The following CRTC3 variants were observed in gnomAD, a reference collection of about 807,000 sequenced individuals.
CRTC3 encodes the protein CREB regulated transcription coactivator 3.
In CRTC3, 26 loss-of-function variants were observed where a neutral mutation model predicts 74.5. The ratio of observed to expected loss-of-function variants is 0.35; its 90% confidence interval spans 0.26 to 0.48. The LOEUF (loss-of-function observed/expected upper bound fraction) is 0.48. CRTC3 is among the 20% of genes least tolerant of loss of function. The probability of loss-of-function intolerance (pLI) is 0.99; values close to 1 mark genes in which losing one functional copy is unlikely to be tolerated. For missense variants in CRTC3, 760 were observed against 787.3 expected, an observed-to-expected ratio of 0.97 and a Z score of 0.41; for synonymous variants, 377 against 325.8, an observed-to-expected ratio of 1.16 and a Z score of -1.69.
intron 2 of CRTC3, among the ~76,000 whole-genome samples, chr15:90,571,657 AT>A (rs1181521466): frequency 6.6e-6 from 1 of 152,212 alleles, no homozygotes. Context: ...AACTCAAATA[AT>A]ATGGAAGCAT....
chr15:90,593,582 G>A lies in CRTC3; in HGVS notation c.232-54G>A, dbSNP rs1967849043. 13 of 1,576,524 alleles carry A rather than the reference G, an allele frequency of 8.2e-6. No homozygotes were observed. In the East Asian group the frequency reaches 3.0e-4, roughly 36 times the overall value. ...CCTGTTGTTATCAGTTGTTCTTGAG[G>A]GTGAGTGTCAATTTCATGGTTGGAG... On this transcript the variant is annotated intron_variant, in intron 2 of 14. Coordinates refer to ENST00000268184, the MANE Select transcript of CRTC3 (RefSeq NM_022769.5).
At chr15:90,596,532 A>G (rs879771658) in intron 3 of CRTC3, 3 of 152,230 alleles carry the variant, frequency 2.0e-5, no homozygotes, top group Non-Finnish European at 4.4e-5. Context: ...ATCATGAGCC[A>G]TGTCTCTGTG....
chr15:90,578,518 C>T (rs966029880), intron 2 of CRTC3, among the ~76,000 whole-genome samples: 22 of 151,590 alleles, frequency 1.5e-4, no homozygotes, highest in Non-Finnish European at 2.9e-4. Flanking sequence ...CGCAACATTG[C>T]ACTTCAGGCT....
intron 14 of CRTC3, among the ~76,000 whole-genome samples, chr15:90,641,668 G>A (rs1303220826): frequency 6.7e-6 from 1 of 148,892 alleles, no homozygotes; most frequent in Non-Finnish European, 1.5e-5. Context: ...CTGTACTCCA[G>A]CCTGGGCAAC....
At chr15:90,602,954 C>CA (rs1272455361) in intron 4 of CRTC3, among the ~76,000 whole-genome samples, 1 of 151,766 alleles carries the variant, frequency 6.6e-6, no homozygotes, top group East Asian at 2.0e-4. Context: ...AGCCTGGTAA[C>CA]AGAGTGAGAC....
chr15:90,560,752 C>A (rs1966994006), intron 2 of CRTC3, among the ~76,000 whole-genome samples: 1 of 152,162 alleles, frequency 6.6e-6, no homozygotes, highest in East Asian at 1.9e-4. Flanking sequence ...TGAGTCTGAA[C>A]AATAAAAGTC....
intron 6 of CRTC3, among the ~76,000 whole-genome samples, chr15:90,608,253 C>T (rs898876023): frequency 1.3e-5 from 2 of 152,176 alleles, no homozygotes; most frequent in African/African-American, 4.8e-5. Context: ...GATCATCTTG[C>T]TCTCCCACTT....
At chr15:90,575,084 T>C (rs1196708990) in intron 2 of CRTC3, among the ~76,000 whole-genome samples, 2 of 152,212 alleles carry the variant, frequency 1.3e-5, no homozygotes, top group Non-Finnish European at 2.9e-5. Flanking sequence ...ATGCAGTGGC[T>C]CACTCCTGTA....
chr15:90,546,105 A>G (rs1038926776), intron 2 of CRTC3, among the ~76,000 whole-genome samples: 3 of 152,170 alleles, frequency 2.0e-5, no homozygotes, highest in African/African-American at 7.2e-5. Flanking sequence ...TTATCTATTA[A>G]TAAGAGTTCT....
At position 90,617,059 on chromosome 15, in the gene CRTC3, A is replaced by G. The variant is rs375516188; in HGVS notation, c.614-824A>G. ...CCCCCTGCCCTGGCCTCAATTGTCT[A>G]CATTTTACTTCCTACCATCCCCTTG... On this transcript the variant is annotated intron_variant, in intron 7 of 14. Transcript: ENST00000268184. Among the ~76,000 whole-genome samples the G allele has an allele frequency of 2.5e-4, 38 of 152,092 alleles. 1 individual carries two copies. In the East Asian group the frequency reaches 5.6e-3, roughly 22 times the overall value.
intron 2 of CRTC3, among the ~76,000 whole-genome samples, chr15:90,540,770 CA>C (rs905225726): frequency 1.4e-5 from 2 of 147,648 alleles, no homozygotes; most frequent in Non-Finnish European, 1.5e-5. Flanking sequence ...GAGACTGTCT[CA>C]AAAAAAAATA....
chr15:90,561,757 G>T (rs1967015133), intron 2 of CRTC3, among the ~76,000 whole-genome samples: 1 of 152,200 alleles, frequency 6.6e-6, no homozygotes. Context: ...TTTGGCTGTA[G>T]AACCAGCCAA....
At chr15:90,635,596 G>C (rs1969204372) in intron 11 of CRTC3, among the ~76,000 whole-genome samples, 1 of 152,132 alleles carries the variant, frequency 6.6e-6, no homozygotes, top group Non-Finnish European at 1.5e-5. Context: ...AGTGAGCCAA[G>C]GTCATGCCAC....
intron 6 of CRTC3, among the ~76,000 whole-genome samples, chr15:90,612,190 C>T (rs1181758959): frequency 2.6e-5 from 4 of 151,920 alleles, no homozygotes; most frequent in African/African-American, 9.7e-5. Flanking sequence ...GGGACATGAA[C>T]ATTCTGAAGA....
At chr15:90,549,059 C>A (rs1966849490) in intron 2 of CRTC3, among the ~76,000 whole-genome samples, 1 of 152,176 alleles carries the variant, frequency 6.6e-6, no homozygotes, top group Admixed American at 6.5e-5. Context: ...AAACTGGTTA[C>A]ATCTTTTTTC....
intron 2 of CRTC3, among the ~76,000 whole-genome samples, chr15:90,584,365 G>A (rs1262798888): frequency 6.6e-6 from 1 of 151,330 alleles, no homozygotes; most frequent in Middle Eastern, 3.2e-3. Flanking sequence ...AGCCTCCCCA[G>A]TAGCTGGGAT....
chr15:90,602,182 T>C (rs1968087227), intron 3 of CRTC3, 142 bp from the exon 4 acceptor site: 2 of 631,738 alleles, frequency 3.2e-6, no homozygotes, highest in African/African-American at 1.9e-5. Flanking sequence ...AGGAGGGAGA[T>C]AAGAGAAAGC....
chr15:90,621,010 C>T (rs117247622), intron 9 of CRTC3, among the ~76,000 whole-genome samples: 1,705 of 152,218 alleles, frequency 0.011, 14 homozygotes, highest in East Asian at 0.045. Flanking sequence ...ATGTTTGCTT[C>T]AGAAAGTGGG....
chr15:90,604,256 G>A lies in CRTC3; in HGVS notation c.414-129G>A, dbSNP rs1968158506. On this transcript the variant is annotated intron_variant, in intron 4 of 14. Coordinates refer to ENST00000268184, the MANE Select transcript of CRTC3 (RefSeq NM_022769.5). Reference sequence around the variant, plus strand: ...GATGAGCAAAATGAGCGAGGTGTGGGGTATTTTTAAGTAACTCTTGCAGAG... The same window carrying A: ...GATGAGCAAAATGAGCGAGGTGTGGAGTATTTTTAAGTAACTCTTGCAGAG... 8.6e-6 allele frequency: 6 copies of A among 700,458 alleles called. No individual in the cohort carries two copies. In the South Asian group the frequency reaches 9.5e-5, roughly 11 times the overall value. 43.4% of individuals were successfully genotyped at this position (700,458 alleles called of 1,614,324 possible). A position where few individuals can be genotyped will look rare whatever the true frequency, so the allele number is the denominator to read the frequency against.
Sources: gnomAD v4.1 joint callset for allele counts (sites outside exome capture counted in the v4.1 genomes callset) on GRCh38, gnomAD v4.1.1 for gene constraint, MANE v1.5 for transcripts, NCBI Gene and HGNC (gene_info 2026-07-23, HGNC 2026-07-21) for gene names.